Variants in SNX3 observed in about 807,000 individuals in gnomAD.
The protein encoded by SNX3 is sorting nexin 3, also known as sorting nexin-3.
In SNX3, 5 loss-of-function variants were observed where a neutral mutation model predicts 17.7. The observed-to-expected ratio is 0.28, with a 90% CI of 0.15 to 0.59. The LOEUF is 0.59. Ranked by LOEUF, SNX3 falls within the 20% of genes least tolerant of loss-of-function variation. SNX3 has a pLI of 0.88. For missense variants in SNX3, 132 were observed against 206.8 expected (o/e 0.64, Z 2.22); for synonymous variants, 91 against 76.5 (o/e 1.19, Z -0.99).
intron 1 of SNX3, among the ~76,000 whole-genome samples, chr6:108,255,076 TCC>T (rs1775990043): frequency 6.6e-6 from 1 of 152,174 alleles, no homozygotes; most frequent in Non-Finnish European, 1.5e-5. Flanking sequence ...AAATGATACA[TCC>T]CTTAACAGAA....
rs1326871213 is a variant in SNX3, at chr6:108,214,581, C to T, written c.300G>A (p.Gln100=). The change falls in exon 3 of 4, where the codon CAG becomes CAA. Residue 100 remains glutamine (Q), a synonymous_variant. Transcript: ENST00000230085. The part of the protein sequence containing the change: ...PPLPGKAFLR[Q]LPFRGDDGIF... ...TTCCATCATCTCCTCTAAAAGGAAG[C>T]TGACGCAAAAACGCTTTCCCAGGGA... 1 of 1,613,284 alleles carries T rather than the reference C, an allele frequency of 6.2e-7. No individual in the cohort carries two copies. Among genetic ancestry groups the T allele is most frequent in the South Asian group, 1.1e-5 (1 of 90,808 alleles).
At chr6:108,224,711 T>C (rs1375399320) in intron 1 of SNX3, among the ~76,000 whole-genome samples, 1 of 152,228 alleles carries the variant, frequency 6.6e-6, no homozygotes, top group Non-Finnish European at 1.5e-5. Flanking sequence ...GCAGGGAAAG[T>C]GCTGCATACA....
intron 1 of SNX3, among the ~76,000 whole-genome samples, chr6:108,233,096 A>G (rs566641202): frequency 1.3e-5 from 2 of 152,232 alleles, no homozygotes; most frequent in Non-Finnish European, 2.9e-5. Context: ...AACAGTAGAG[A>G]ATAAATTATC....
intron 3 of SNX3, among the ~76,000 whole-genome samples, chr6:108,212,670 T>C (rs1309265601): frequency 6.6e-6 from 1 of 152,126 alleles, no homozygotes; most frequent in African/African-American, 2.4e-5. Flanking sequence ...ATAAGTATTA[T>C]TCTGGACTGT....
At chr6:108,225,626 T>C (rs1386943774) in intron 1 of SNX3, among the ~76,000 whole-genome samples, 1 of 152,044 alleles carries the variant, frequency 6.6e-6, no homozygotes, top group Admixed American at 6.6e-5. Flanking sequence ...AGTGAGACTC[T>C]GACTCAAACA....
At chr6:108,216,458 C>T (rs1774580946) in intron 2 of SNX3, among the ~76,000 whole-genome samples, 1 of 152,146 alleles carries the variant, frequency 6.6e-6, no homozygotes, top group Non-Finnish European at 1.5e-5. Flanking sequence ...GTCTTCAAAT[C>T]AAGACCCCTG....
intron 1 of SNX3, among the ~76,000 whole-genome samples, chr6:108,223,494 G>GTTTTTTTT (rs1562422738): frequency 2.0e-5 from 2 of 99,332 alleles, no homozygotes; most frequent in African/African-American, 9.9e-5. Flanking sequence ...AACTTTGCTA[G>GTTTTTTTT]TTCTTTTTTT....
chr6:108,246,438 C>T (rs917229433), intron 1 of SNX3, among the ~76,000 whole-genome samples: 1 of 149,012 alleles, frequency 6.7e-6, no homozygotes, highest in East Asian at 2.0e-4. Context: ...GATTCTCCTG[C>T]CTCAGCCTCC....
intron 1 of SNX3, among the ~76,000 whole-genome samples, chr6:108,259,101 C>T (rs1176886836): frequency 1.3e-5 from 2 of 152,098 alleles, no homozygotes; most frequent in African/African-American, 4.8e-5. Context: ...TTTAGTGAAC[C>T]ATCTGTCATG....
At chr6:108,260,403 C>T (rs982232859) in intron 1 of SNX3, among the ~76,000 whole-genome samples, 2 of 152,248 alleles carry the variant, frequency 1.3e-5, no homozygotes, top group African/African-American at 4.8e-5. Flanking sequence ...GCGCAAGCCC[C>T]TTTTCTCTGT....
chr6:108,252,842 T>A (rs935812568), intron 1 of SNX3, among the ~76,000 whole-genome samples: 1 of 152,068 alleles, frequency 6.6e-6, no homozygotes, highest in African/African-American at 2.4e-5. Context: ...TTTGCCATGT[T>A]GGTCAGGCTG....
At position 108,222,378 on chromosome 6, in the gene SNX3, AC is replaced by A; in HGVS notation, c.258+571del. ...TTTAATTTATTTTGATGCCAAAGCT[AC>A]CAAATTCTATTCTAAGAGAAGATCA... On this transcript the variant is annotated intron_variant, in intron 2 of 3. Coordinates refer to ENST00000230085, the MANE Select transcript of SNX3 (RefSeq NM_003795.6). The A allele has an allele frequency of 2.3e-6, 3 of 1,294,328 alleles. No homozygotes were observed. The South Asian group carries it at 3.7e-5, about 16-fold the overall frequency. The allele number at this position is 1,294,328 out of a possible 1,614,324, so 80.2% of individuals were successfully genotyped here.
chr6:108,253,955 C>T (rs1318573223), intron 1 of SNX3, among the ~76,000 whole-genome samples: 1 of 151,964 alleles, frequency 6.6e-6, no homozygotes, highest in East Asian at 1.9e-4. Flanking sequence ...GAAACACCAT[C>T]TCTACTGAAA....
intron 1 of SNX3, among the ~76,000 whole-genome samples, chr6:108,247,445 GT>G (rs1286891819): frequency 6.6e-6 from 1 of 151,950 alleles, no homozygotes; most frequent in Non-Finnish European, 1.5e-5. Flanking sequence ...ACGGCTTAAT[GT>G]AGCCTCAACC....
intron 2 of SNX3, among the ~76,000 whole-genome samples, chr6:108,219,077 C>A (rs1049212880): frequency 6.6e-6 from 1 of 152,120 alleles, no homozygotes; most frequent in African/African-American, 2.4e-5. Context: ...AGCGGTCGGG[C>A]GGGGTGGCTC....
At chr6:108,229,689 G>A (rs191967) in intron 1 of SNX3, among the ~76,000 whole-genome samples, 302 of 152,312 alleles carry the variant, frequency 2.0e-3, no homozygotes, top group African/African-American at 7.0e-3. Context: ...TTAACACAGA[G>A]CTAGCCATAC....
In SNX3 at chr6:108,246,313, C is replaced by CTTTTTTTTTTT. The variant is rs71015538; in HGVS notation, c.162+14436_162+14446dup. On this transcript the variant is annotated intron_variant, in intron 1 of 3. Transcript: ENST00000230085. ...AATTCTTAAAAGAGCTTTGAGCATT[C>CTTTTTTTTTTT]TTTTTTTTTTTTTTTTTTTTTTTTT... Among the ~76,000 whole-genome samples the CTTTTTTTTTTT allele has an allele frequency of 4.6e-4, 22 of 47,982 alleles. 4 individuals carry two copies. Among genetic ancestry groups the CTTTTTTTTTTT allele is most frequent in the African/African-American group, 1.9e-3 (21 of 11,146 alleles). The allele number at this position is 47,982 out of a possible 152,430, so 31.5% of individuals were successfully genotyped here. A position where few individuals can be genotyped will look rare whatever the true frequency, so the allele number is the denominator to read the frequency against.
intron 3 of SNX3, among the ~76,000 whole-genome samples, chr6:108,214,031 C>G (rs1774487848): frequency 6.6e-6 from 1 of 152,110 alleles, no homozygotes; most frequent in Non-Finnish European, 1.5e-5. Flanking sequence ...AAAAAAGAAA[C>G]AATCCTAAGT....
chr6:108,250,960 G>A, intron 1 of SNX3, among the ~76,000 whole-genome samples: 1 of 152,088 alleles, frequency 6.6e-6, no homozygotes, highest in East Asian at 1.9e-4. Context: ...TCTGCCAAGA[G>A]ACACTGGCTT....
Sources: gnomAD v4.1 joint callset for allele counts (sites outside exome capture counted in the v4.1 genomes callset) on GRCh38, gnomAD v4.1.1 for gene constraint, MANE v1.5 for transcripts, NCBI Gene and HGNC (gene_info 2026-07-23, HGNC 2026-07-21) for gene names.